The following PTPRD variants were observed in gnomAD, a reference collection of about 807,000 sequenced individuals.
PTPRD encodes protein tyrosine phosphatase receptor type D.
In PTPRD, 34 loss-of-function variants were observed where a neutral mutation model predicts 214.5. The observed-to-expected ratio is 0.16, with a 90% CI of 0.12 to 0.21. PTPRD has a LOEUF of 0.21. PTPRD is among the 10% of genes least tolerant of loss of function. The probability of loss-of-function intolerance (pLI) is 1.00; values close to 1 mark genes in which losing one functional copy is unlikely to be tolerated. For missense variants in PTPRD, 2,545 were observed against 2,398.7 expected, an observed-to-expected ratio of 1.06 and a Z score of -1.27; for synonymous variants, 1,128 against 845.7, an observed-to-expected ratio of 1.33 and a Z score of -5.79.
intron 5 of PTPRD, among the ~76,000 whole-genome samples, chr9:9,888,254 G>A (rs946818300): frequency 6.6e-6 from 1 of 152,166 alleles, no homozygotes; most frequent in Non-Finnish European, 1.5e-5. Context: ...ATATTCCCAA[G>A]AAAGGTGTTC....
At chr9:10,278,821 C>T (rs1463631504) in intron 3 of PTPRD, among the ~76,000 whole-genome samples, 2 of 151,928 alleles carry the variant, frequency 1.3e-5, no homozygotes, top group Non-Finnish European at 1.5e-5. Context: ...GTTGCCCAGG[C>T]TGGAGTGCAG....
chr9:9,375,923 G>A (rs908765589), intron 9 of PTPRD, among the ~76,000 whole-genome samples: 4 of 152,024 alleles, frequency 2.6e-5, no homozygotes, highest in East Asian at 1.9e-4. Context: ...CTTAAAAATC[G>A]GTAAAATGGT....
intron 4 of PTPRD, among the ~76,000 whole-genome samples, chr9:9,992,405 A>T (rs2095971714): frequency 6.6e-6 from 1 of 152,218 alleles, no homozygotes; most frequent in South Asian, 2.1e-4. Flanking sequence ...TTCCTCAAGG[A>T]TCTAGAACTA....
chr9:9,826,841 C>T (rs997754725), intron 5 of PTPRD, among the ~76,000 whole-genome samples: 1 of 152,014 alleles, frequency 6.6e-6, no homozygotes, highest in African/African-American at 2.4e-5. Flanking sequence ...GCAAAAATTG[C>T]AAGCATTCTT....
At chr9:9,694,018 T>G (rs1161224480) in intron 7 of PTPRD, among the ~76,000 whole-genome samples, 1 of 152,218 alleles carries the variant, frequency 6.6e-6, no homozygotes, top group East Asian at 1.9e-4. Context: ...ATCTTGAATT[T>G]CTTTGAGTTT....
At chr9:9,420,796 C>G (rs1460462806) in intron 8 of PTPRD, among the ~76,000 whole-genome samples, 2 of 151,908 alleles carry the variant, frequency 1.3e-5, no homozygotes, top group African/African-American at 2.4e-5. Flanking sequence ...TATTAAAAAA[C>G]AGTATATCAA....
intron 10 of PTPRD, among the ~76,000 whole-genome samples, chr9:9,048,249 C>G (rs1266784232): frequency 6.6e-6 from 1 of 152,056 alleles, no homozygotes; most frequent in Non-Finnish European, 1.5e-5. Context: ...TTGGAGGTTC[C>G]TCAAAAAACT....
At chr9:9,864,261 G>A (rs1022804085) in intron 5 of PTPRD, among the ~76,000 whole-genome samples, 3 of 151,910 alleles carry the variant, frequency 2.0e-5, no homozygotes, top group South Asian at 4.2e-4. Flanking sequence ...AGCCGAGATC[G>A]CGCCTCTGCA....
At chr9:10,239,166 A>C (rs1201237258) in intron 3 of PTPRD, among the ~76,000 whole-genome samples, 3 of 152,018 alleles carry the variant, frequency 2.0e-5, no homozygotes, top group Non-Finnish European at 2.9e-5. Flanking sequence ...TTTAAAAAAG[A>C]TTAATCTTAG....
At chr9:8,555,520 C>T (rs1431026861) in intron 14 of PTPRD, among the ~76,000 whole-genome samples, 2 of 152,244 alleles carry the variant, frequency 1.3e-5, no homozygotes, top group African/African-American at 4.8e-5. Context: ...TGTATTTCCC[C>T]ATGGGTAATT....
At position 10,189,167 on chromosome 9, in the gene PTPRD, G is replaced by T. The variant is rs960843356; in HGVS notation, c.-545+151796C>A. 2.0e-5 allele frequency among the ~76,000 whole-genome samples: 3 copies of T among 152,134 alleles called. No homozygotes were observed. In the East Asian group the frequency reaches 5.8e-4, roughly 29 times the overall value. ...ATAAATGCTTTGGACTGGTCGCCCT[G>T]GAGTTTAGTGCTTCTTTCTTTGGAA... On this transcript the variant is annotated intron_variant, in intron 3 of 45. Coordinates refer to ENST00000381196, the MANE Select transcript of PTPRD (RefSeq NM_002839.4).
chr9:9,241,396 T>C (rs569641012), intron 9 of PTPRD, among the ~76,000 whole-genome samples: 4 of 152,288 alleles, frequency 2.6e-5, no homozygotes, highest in African/African-American at 9.6e-5. Flanking sequence ...GAAAATATTC[T>C]CTTTGTAATA....
chr9:8,801,987 G>C (rs1295685006), intron 11 of PTPRD, among the ~76,000 whole-genome samples: 1 of 152,100 alleles, frequency 6.6e-6, no homozygotes, highest in East Asian at 1.9e-4. Context: ...CTCTCAATGA[G>C]GTAAGGGTAA....
At chr9:10,055,437 T>A (rs832234) in intron 3 of PTPRD, among the ~76,000 whole-genome samples, 27,341 of 151,996 alleles carry the variant, frequency 0.18, 3,117 homozygotes, top group African/African-American at 0.32. Context: ...AATGGAGTAG[T>A]TACTATTTTT....
chr9:9,473,297 G>C (rs1446010049), intron 8 of PTPRD, among the ~76,000 whole-genome samples: 3 of 152,102 alleles, frequency 2.0e-5, no homozygotes, highest in Non-Finnish European at 4.4e-5. Flanking sequence ...GTTGTATTGA[G>C]TGACAGGATT....
chr9:8,989,505 G>A (rs1212494431), intron 11 of PTPRD, among the ~76,000 whole-genome samples: 1 of 152,010 alleles, frequency 6.6e-6, no homozygotes. Context: ...ATGACCTCCA[G>A]TTCCGTCAAT....
chr9:8,924,953 T>C (rs779733160), intron 11 of PTPRD, among the ~76,000 whole-genome samples: 1 of 152,146 alleles, frequency 6.6e-6, no homozygotes, highest in Non-Finnish European at 1.5e-5. Context: ...CTGCTGATGA[T>C]TGTGGTGGAA....
chr9:8,983,332 G>A (rs1305106871), intron 11 of PTPRD, among the ~76,000 whole-genome samples: 1 of 151,828 alleles, frequency 6.6e-6, no homozygotes, highest in Non-Finnish European at 1.5e-5. Context: ...CAAATAAGTA[G>A]GGAAAAAAAC....
chr9:9,937,001 C>A (rs1013437121), intron 5 of PTPRD, among the ~76,000 whole-genome samples: 2 of 151,758 alleles, frequency 1.3e-5, no homozygotes, highest in African/African-American at 4.8e-5. Context: ...CACATATTCT[C>A]ACTCATAGGT....
Sources: allele counts gnomAD v4.1 joint callset (sites outside exome capture counted in the v4.1 genomes callset), GRCh38; gene constraint gnomAD v4.1.1; transcripts MANE v1.5; gene names NCBI Gene and HGNC (gene_info 2026-07-23, HGNC 2026-07-21).